PEAK1: variants seen among roughly 807,000 people sequenced by gnomAD.
PEAK1 encodes pseudopodium enriched atypical kinase 1, also known as inactive tyrosine-protein kinase PEAK1.
In PEAK1, 54 loss-of-function variants were observed where a neutral mutation model predicts 124.7. That is an observed-to-expected ratio of 0.43 (90% confidence interval 0.35 to 0.54). The LOEUF (loss-of-function observed/expected upper bound fraction) is 0.54, where lower values mean the gene tolerates loss of function less well. Among genes scored for constraint, PEAK1 ranks in the 20% least tolerant of loss-of-function variants. PEAK1 has a pLI of 0.01. For synonymous variants in PEAK1, 719 were observed against 760.0 expected (o/e 0.95, Z 0.89); for missense variants, 2,046 against 2,134.5 (o/e 0.96, Z 0.82).
rs879298852 is a variant in PEAK1 at position 77,377,456 on chromosome 15, C to CT, written c.-665-12232dup. Among the ~76,000 whole-genome samples the CT allele has an allele frequency of 7.7e-3, 1,099 of 143,402 alleles. 7 individuals are homozygous for CT. Among genetic ancestry groups the CT allele is most frequent in the African/African-American group, 0.018 (701 of 39,366 alleles). The allele number at this position is 143,402 out of a possible 152,430, so 94.1% of individuals were successfully genotyped here. ...GGAAAAATACAATGTTATATATACT[C>CT]TTTTTTTTTTTTTTGAGATGGAGTC... is the stretch of plus-strand genomic sequence containing the variant. On this transcript the variant is annotated intron_variant, in intron 1 of 9. Transcript: ENST00000682557.
Position 77,172,821 on chromosome 15 carries a change from T to C in PEAK1, c.3137+5969A>G, listed in dbSNP as rs531698530. On this transcript the variant is annotated intron_variant, in intron 7 of 9. Transcript: ENST00000682557. Reference sequence around the variant, plus strand: ...AGGTTGGAGTGCAGTGGCGTGATTATGGTTCACTGCAGCCTTGACCTCCTG... The same window carrying C: ...AGGTTGGAGTGCAGTGGCGTGATTACGGTTCACTGCAGCCTTGACCTCCTG... 8.3e-4 allele frequency among the ~76,000 whole-genome samples: 127 copies of C among 152,266 alleles called. 1 individual carries two copies. Among genetic ancestry groups the C allele is most frequent in the Non-Finnish European group, 1.5e-3 (103 of 68,014 alleles).
At chr15:77,169,013 GC>G (rs1217414970) in intron 7 of PEAK1, among the ~76,000 whole-genome samples, 6 of 152,200 alleles carry the variant, frequency 3.9e-5, no homozygotes, top group Admixed American at 2.0e-4. Flanking sequence ...CTTAACTTTA[GC>G]TGGAGTGTTA....
At chr15:77,161,195 A>G (rs1300286250) in intron 7 of PEAK1, among the ~76,000 whole-genome samples, 7 of 152,234 alleles carry the variant, frequency 4.6e-5, no homozygotes, top group Non-Finnish European at 7.3e-5. Flanking sequence ...ATGCTCTGAC[A>G]CTCAGATAAA....
chr15:77,286,455 G>A lies in PEAK1; in HGVS notation c.-553C>T, dbSNP rs77070167. 1.5e-3 allele frequency: 1,841 copies of A among 1,229,720 alleles called. 24 individuals are homozygous for A. In the African/African-American group the frequency reaches 0.025, roughly 17 times the overall value. The allele number at this position is 1,229,720 out of a possible 1,614,324, so 76.2% of individuals were successfully genotyped here. On this transcript the variant is annotated 5_prime_UTR_variant, in exon 3 of 10. Coordinates refer to ENST00000682557, the MANE Select transcript of PEAK1 (RefSeq NM_001385026.1). The stretch of plus-strand genomic sequence containing the variant: ...AATTGGCTCCAACTCTGGGCATTAT[G>A]TTGTTGCTTCCTTTTCTTTCCTTAC...
intron 1 of PEAK1, among the ~76,000 whole-genome samples, chr15:77,396,036 AAACAGAAAC>A (rs1392141389): frequency 1.3e-5 from 2 of 152,212 alleles, no homozygotes; most frequent in African/African-American, 4.8e-5. Context: ...AATAAAATAT[AAACAGAAAC>A]AACAGAAAGT....
intron 2 of PEAK1, among the ~76,000 whole-genome samples, chr15:77,315,626 A>C (rs975265665): frequency 1.3e-5 from 2 of 148,636 alleles, no homozygotes; most frequent in African/African-American, 4.9e-5. Flanking sequence ...AAAAAAAATA[A>C]AAATAAAATA....
chr15:77,320,676 ATACTT>A (rs2065147266), intron 2 of PEAK1, among the ~76,000 whole-genome samples: 1 of 151,944 alleles, frequency 6.6e-6, no homozygotes, highest in Admixed American at 6.6e-5. Flanking sequence ...TTTTTTTATT[ATACTT>A]TAAGTTTTAG....
At chr15:77,136,491 C>T (rs1410458970) in intron 8 of PEAK1, among the ~76,000 whole-genome samples, 1 of 151,948 alleles carries the variant, frequency 6.6e-6, no homozygotes. Flanking sequence ...CATGGTGAAA[C>T]CCTGTCTCTA....
At chr15:77,404,750 A>G in intron 1 of PEAK1, 1 of 956,078 alleles carries the variant, frequency 1.0e-6, no homozygotes, top group Non-Finnish European at 1.2e-6. Flanking sequence ...AAAGTCTATG[A>G]TACATTATCA....
rs1157771705 is a variant in PEAK1, at chr15:77,181,163, C to T, written c.764G>A (p.Ser255Asn). Residue 255 changes from serine (S) to asparagine (N), a missense_variant, in exon 7 of 10, where the codon AGT becomes AAT. Coordinates refer to ENST00000682557, the MANE Select transcript of PEAK1 (RefSeq NM_001385026.1). Reference protein sequence around the residue: ...MEEEHESWDESDEELLAMEIR... With the variant: ...MEEEHESWDENDEELLAMEIR... ...CTCCATGGCCAACAGCTCTTCATCA[C>T]TCTCATCCCAACTCTCGTGCTCCTC... 1.9e-6 allele frequency: 3 copies of T among 1,614,210 alleles called. No individual in the cohort carries two copies. In the Admixed American group the frequency reaches 5.0e-5, roughly 27 times the overall value.
At chr15:77,318,590 T>C (rs2065013894) in intron 2 of PEAK1, among the ~76,000 whole-genome samples, 1 of 152,064 alleles carries the variant, frequency 6.6e-6, no homozygotes, top group Non-Finnish European at 1.5e-5. Context: ...GAGAGAATGA[T>C]TTTCTGAAGA....
At chr15:77,254,526 A>C (rs1394824277) in intron 5 of PEAK1, among the ~76,000 whole-genome samples, 1 of 151,760 alleles carries the variant, frequency 6.6e-6, no homozygotes, top group Non-Finnish European at 1.5e-5. Context: ...TTGACCTCCT[A>C]GGCTCAAGCA....
intron 6 of PEAK1, among the ~76,000 whole-genome samples, chr15:77,201,352 C>G (rs962241415): frequency 6.6e-6 from 1 of 150,678 alleles, no homozygotes; most frequent in South Asian, 2.1e-4. Context: ...ATTCTCCTGC[C>G]TCCGCCTCCC....
intron 2 of PEAK1, chr15:77,335,503 C>T (rs1229424202): frequency 1.0e-6 from 1 of 985,000 alleles, no homozygotes; most frequent in African/African-American, 1.7e-5. Context: ...TTTCAAGAGA[C>T]AGGGTCTGGC....
At chr15:77,310,757 A>G (rs1249116895) in intron 2 of PEAK1, among the ~76,000 whole-genome samples, 1 of 152,208 alleles carries the variant, frequency 6.6e-6, no homozygotes, top group African/African-American at 2.4e-5. Context: ...TCTGACCTAG[A>G]CCTGGCTTGG....
chr15:77,225,525 C>T (rs1479520878), intron 6 of PEAK1, among the ~76,000 whole-genome samples: 1 of 151,226 alleles, frequency 6.6e-6, no homozygotes, highest in African/African-American at 2.4e-5. Flanking sequence ...ATATCCTCAT[C>T]TGCTGCAGTT....
At chr15:77,173,602 T>A (rs2056657566) in intron 7 of PEAK1, among the ~76,000 whole-genome samples, 1 of 152,146 alleles carries the variant, frequency 6.6e-6, no homozygotes, top group Non-Finnish European at 1.5e-5. Context: ...CAAACACCTC[T>A]CCTTTCCCCA....
chr15:77,413,446 G>GA (rs796920439), intron 1 of PEAK1, among the ~76,000 whole-genome samples: 3 of 152,262 alleles, frequency 2.0e-5, no homozygotes, highest in African/African-American at 7.2e-5. Context: ...CCTCCTGTAT[G>GA]AAATAATAGG....
chr15:77,352,327 C>T (rs2067257881), intron 2 of PEAK1: 2 of 985,244 alleles, frequency 2.0e-6, no homozygotes, highest in South Asian at 4.7e-5. Context: ...GTGCCTTACT[C>T]GATCTATCTC....
Sources: gnomAD v4.1 joint callset for allele counts (sites outside exome capture counted in the v4.1 genomes callset) on GRCh38, gnomAD v4.1.1 for gene constraint, MANE v1.5 for transcripts, NCBI Gene and HGNC (gene_info 2026-07-23, HGNC 2026-07-21) for gene names.